THBS2: variants seen among roughly 807,000 people sequenced by gnomAD.
THBS2 encodes the protein thrombospondin-2.
A neutral mutation model predicts 135.2 loss-of-function variants in THBS2; 47 were observed. The ratio of observed to expected loss-of-function variants is 0.35; its 90% CI spans 0.28 to 0.44. THBS2 has a LOEUF of 0.44. THBS2 is among the 20% of genes least tolerant of loss of function. THBS2 has a pLI of 1.00. For synonymous variants in THBS2, 639 were observed against 633.8 expected, an observed-to-expected ratio of 1.01 and a Z score of -0.12; for missense variants, 1,288 against 1,603.1, an observed-to-expected ratio of 0.80 and a Z score of 3.36.
intron 9 of THBS2, 122 bp downstream of exon 9, chr6:169,237,048 G>T: frequency 2.6e-6 from 3 of 1,154,996 alleles, no homozygotes; most frequent in Non-Finnish European, 3.6e-6. Flanking sequence ...TTTGCTGCTC[G>T]GCTGGGGCTG....
chr6:169,220,331 T>A lies in THBS2; in HGVS notation c.3378A>T (p.Leu1126Phe), dbSNP rs1779377208. 5.6e-6 allele frequency: 9 copies of A among 1,607,436 alleles called. No individual in the cohort carries two copies. In the South Asian group the frequency reaches 1.0e-4, roughly 18 times the overall value. ...CCATGACCTGTTTTCCTTCATGCAC[T>A]AAGACTCTAAAAATGGTGTTTAAAA... is the stretch of plus-strand genomic sequence containing the variant. ...HRPKTGYIRVLVHEGKQVMAD... is the reference protein window; with the variant it reads ...HRPKTGYIRVFVHEGKQVMAD... Residue 1126 changes from leucine to phenylalanine, a missense_variant, in exon 21 of 22, where the codon TTA becomes TTT. By Grantham distance (22) the Leu-to-Phe change is conservative. Transcript: ENST00000617924.
rs1583399272 is a variant in THBS2 at position 169,215,927 on chromosome 6, G to A, written c.*1895C>T. 6.6e-6 allele frequency: 1 copy of A among 152,466 alleles called. No individual in the cohort carries two copies. Among genetic ancestry groups the A allele is most frequent in the Non-Finnish European group, 1.5e-5 (1 of 68,022 alleles). 9.4% of individuals were successfully genotyped at this position (152,466 alleles called of 1,614,324 possible). ...TACAGTCTTTGGCAAAACACATGAC[G>A]TTTCATCAACCTATACGATAAATTT... On this transcript the variant is annotated 3_prime_UTR_variant, in exon 22 of 22. Coordinates refer to ENST00000617924, the MANE Select transcript of THBS2 (RefSeq NM_003247.5).
intron 4 of THBS2, among the ~76,000 whole-genome samples, chr6:169,242,315 C>CCTGA (rs1780338524): frequency 1.3e-5 from 2 of 152,202 alleles, no homozygotes; most frequent in East Asian, 3.9e-4. Context: ...CCAGTGGCCA[C>CCTGA]GCATGTCACT....
intron 21 of THBS2, 33 bp downstream of exon 21, chr6:169,220,165 C>A: frequency 6.2e-7 from 1 of 1,602,128 alleles, no homozygotes; most frequent in Non-Finnish European, 8.5e-7. Flanking sequence ...GTGCCACATG[C>A]CTTCCCCACT....
intron 4 of THBS2, chr6:169,245,989 T>TAGATTTAA (rs1249016902): frequency 4.8e-6 from 2 of 420,536 alleles, no homozygotes; most frequent in African/African-American, 3.9e-5. Context: ...TAAAATTAAC[T>TAGATTTAA]GTTTAATCAA....
intron 15 of THBS2, 63 bp downstream of exon 15, chr6:169,228,059 A>G: frequency 6.5e-7 from 1 of 1,532,186 alleles, no homozygotes; most frequent in Non-Finnish European, 8.7e-7. Context: ...GGGCAACAAT[A>G]GTGAAACTCC....
chr6:169,223,193 G>A, intron 18 of THBS2, 55 bp downstream of exon 18: 2 of 1,543,472 alleles, frequency 1.3e-6, no homozygotes, highest in South Asian at 2.3e-5. Context: ...TGCATCTTCT[G>A]TGGGCGCCTC....
intron 3 of THBS2, 151 bp from the exon 4 acceptor site, chr6:169,246,432 C>T (rs1300104879): frequency 3.0e-6 from 2 of 658,680 alleles, no homozygotes; most frequent in Admixed American, 5.3e-5. Flanking sequence ...TCTTTATAAT[C>T]AGTTTTTCTG....
Position 169,224,775 on chromosome 6 carries a change from A to T in THBS2, c.2773+370T>A, listed in dbSNP as rs187890045. 1.1e-4 allele frequency among the ~76,000 whole-genome samples: 16 copies of T among 152,312 alleles called. No homozygotes were observed. In the East Asian group the frequency reaches 2.1e-3, roughly 20 times the overall value. ...TTTTGTTGGCTTTGCTTTCAAAAAA[A>T]TCCTCCTTGTCCCCTGCCTGGCCCC... On this transcript the variant is annotated intron_variant, in intron 17 of 21. Coordinates refer to ENST00000617924, the MANE Select transcript of THBS2 (RefSeq NM_003247.5).
chr6:169,221,873 C>T (rs545340851), intron 19 of THBS2, among the ~76,000 whole-genome samples: 11 of 152,158 alleles, frequency 7.2e-5, no homozygotes, highest in Non-Finnish European at 1.2e-4. Flanking sequence ...TCAATTCTCC[C>T]TAGCTTCAAT....
At position 169,216,808 on chromosome 6, in the gene THBS2, A is replaced by G. The variant is rs572404610; in HGVS notation, c.*1014T>C. 5.3e-5 allele frequency: 8 copies of G among 152,374 alleles called. No individual in the cohort carries two copies. The highest frequency in any genetic ancestry group is 4.1e-4 in the South Asian group (2 of 4,828). 9.4% of individuals were successfully genotyped at this position (152,374 alleles called of 1,614,324 possible). A position where few individuals can be genotyped will look rare whatever the true frequency, so the allele number is the denominator to read the frequency against. ...TTACTGGTAAATGGAGTTGCATTCT[A>G]TAGTCACTTAATAAATATTAACAAA... is the stretch of plus-strand genomic sequence containing the variant. On this transcript the variant is annotated 3_prime_UTR_variant, in exon 22 of 22. Coordinates refer to ENST00000617924, the MANE Select transcript of THBS2 (RefSeq NM_003247.5).
chr6:169,226,320 A>C (rs1779627905), intron 15 of THBS2, 22 bp from the exon 16 acceptor site: 17 of 1,589,230 alleles, frequency 1.1e-5, no homozygotes, highest in Non-Finnish European at 1.5e-5. Context: ...TAAAGGGGGA[A>C]GAAAACAAAA....
Position 169,232,205 on chromosome 6 carries a change from G to A in THBS2, c.1933-7C>T. 6.2e-7 allele frequency: 1 copy of A among 1,610,704 alleles called. No homozygotes were observed. The highest frequency in any genetic ancestry group is 2.2e-5 in the East Asian group (1 of 44,838). Reference sequence around the variant, plus strand: ...GGTTTTCGGGCTCACACACCTACGGGGAGAAGGGCTGCGGGGTTAGCGACA... The same window carrying A: ...GGTTTTCGGGCTCACACACCTACGGAGAGAAGGGCTGCGGGGTTAGCGACA... On this transcript the variant is annotated splice_polypyrimidine_tract_variant and splice_region_variant and intron_variant, in intron 12 of 21. Transcript: ENST00000617924.
intron 10 of THBS2, among the ~76,000 whole-genome samples, chr6:169,233,394 C>T (rs931781690): frequency 6.6e-6 from 1 of 151,938 alleles, no homozygotes; most frequent in Admixed American, 6.6e-5. Context: ...ACACAACTAC[C>T]CACGTGCCAC....
At chr6:169,219,720 C>T (rs10945402) in intron 21 of THBS2, 101,685 of 499,080 alleles carry the variant, frequency 0.2, 11,535 homozygotes, top group Non-Finnish European at 0.24. Context: ...AAGGGTAATG[C>T]GCATTTGAAG....
chr6:169,239,772 G>A, intron 6 of THBS2, 77 bp from the exon 7 acceptor site: 1 of 1,106,090 alleles, frequency 9.0e-7, no homozygotes. Context: ...AGACTAGAAG[G>A]GGTCGACAGA....
intron 9 of THBS2, among the ~76,000 whole-genome samples, chr6:169,236,330 C>T (rs1780066318): frequency 9.4e-6 from 1 of 106,800 alleles, no homozygotes; most frequent in African/African-American, 3.3e-5. Flanking sequence ...CTCACTCCCC[C>T]ATCCACACTC....
chr6:169,241,633 G>A lies in THBS2; in HGVS notation c.891+129C>T. 4.2e-6 allele frequency: 4 copies of A among 955,546 alleles called. No homozygotes were observed. The highest frequency in any genetic ancestry group is 6.2e-6 in the Non-Finnish European group (4 of 642,926). The allele number at this position is 955,546 out of a possible 1,614,324, so 59.2% of individuals were successfully genotyped here. A position where few individuals can be genotyped will look rare whatever the true frequency, so the allele number is the denominator to read the frequency against. On this transcript the variant is annotated intron_variant, in intron 5 of 21. Transcript: ENST00000617924. This position sits in a 1 kb window ranked among gnomAD's most constrained non-coding sequence, Gnocchi z 5.5. ...GAGGAGCCCGGCAGACACCTCCCCT[G>A]TGAACTGTGGGTTTTTACATCGAGC...
chr6:169,239,568 C>T (rs752294001), intron 7 of THBS2, 31 bp downstream of exon 7: 16 of 1,548,544 alleles, frequency 1.0e-5, no homozygotes, highest in Non-Finnish European at 1.4e-5. Flanking sequence ...CCTAAAAATG[C>T]AGGATGCGCT....
Sources: gnomAD v4.1 joint callset for allele counts (sites outside exome capture counted in the v4.1 genomes callset) on GRCh38, gnomAD v4.1.1 for gene constraint, Gnocchi (gnomAD v3.1) non-coding constraint, MANE v1.5 for transcripts, NCBI Gene and HGNC (gene_info 2026-07-23, HGNC 2026-07-21) for gene names.